The following TGFBR3 variants were observed in gnomAD, a reference collection of about 807,000 sequenced individuals.
TGFBR3 encodes transforming growth factor beta receptor 3, also known as transforming growth factor beta receptor type 3.
In TGFBR3, 46 loss-of-function variants were observed where a neutral mutation model predicts 87.9. The ratio of observed to expected loss-of-function variants is 0.52; its 90% CI spans 0.41 to 0.67. The LOEUF (loss-of-function observed/expected upper bound fraction) is 0.67. Ranked by LOEUF, TGFBR3 falls within the 30% of genes least tolerant of loss-of-function variation. TGFBR3 has a pLI of 0.00. For missense variants in TGFBR3, 866 were observed against 1,041.9 expected, an observed-to-expected ratio of 0.83 and a Z score of 2.32; for synonymous variants, 381 against 391.6, an observed-to-expected ratio of 0.97 and a Z score of 0.32.
intron 2 of TGFBR3, among the ~76,000 whole-genome samples, chr1:91,839,375 G>C (rs1309960854): frequency 2.0e-5 from 3 of 152,094 alleles, no homozygotes; most frequent in African/African-American, 4.8e-5. Flanking sequence ...TTGCAAGGTA[G>C]CATCTGAATT....
At chr1:91,787,424 C>G (rs751161932) in intron 3 of TGFBR3, among the ~76,000 whole-genome samples, 8 of 152,164 alleles carry the variant, frequency 5.3e-5, no homozygotes, top group African/African-American at 1.4e-4. Flanking sequence ...AGAGCTGAGA[C>G]TAGCCCTGTA....
chr1:91,839,380 T>C (rs1364999412), intron 2 of TGFBR3, among the ~76,000 whole-genome samples: 1 of 152,216 alleles, frequency 6.6e-6, no homozygotes, highest in East Asian at 1.9e-4. Flanking sequence ...AGGTAGCATC[T>C]GAATTACATA....
intron 2 of TGFBR3, chr1:91,801,098 A>G (rs888849067): frequency 4.6e-6 from 1 of 218,008 alleles, no homozygotes; most frequent in East Asian, 1.7e-4. Context: ...AAAAAAAAAA[A>G]AAGAGAGAGA....
chr1:91,768,893 A>G (rs956871068), intron 3 of TGFBR3, among the ~76,000 whole-genome samples: 1 of 152,028 alleles, frequency 6.6e-6, no homozygotes, highest in African/African-American at 2.4e-5. Context: ...GCATAATTTC[A>G]TCTCTTCCAA....
At chr1:91,885,185 T>A (rs971261962) in intron 1 of TGFBR3, among the ~76,000 whole-genome samples, 4 of 152,250 alleles carry the variant, frequency 2.6e-5, no homozygotes, top group Admixed American at 2.6e-4. Flanking sequence ...AGTTCTACTT[T>A]GCCAAGGTAA....
chr1:91,848,574 T>C (rs1017957), intron 2 of TGFBR3, among the ~76,000 whole-genome samples: 71,971 of 152,044 alleles, frequency 0.47, 17,228 homozygotes, highest in East Asian at 0.61. Flanking sequence ...AAAAAATCTG[T>C]TGTATCATGC....
At chr1:91,772,888 A>G (rs915328419) in intron 3 of TGFBR3, among the ~76,000 whole-genome samples, 2 of 152,254 alleles carry the variant, frequency 1.3e-5, no homozygotes, top group Non-Finnish European at 2.9e-5. Context: ...GAAAGTAAGT[A>G]AATTGTTGGC....
chr1:91,707,110 A>G (rs1671825171), intron 14 of TGFBR3, among the ~76,000 whole-genome samples: 1 of 152,256 alleles, frequency 6.6e-6, no homozygotes, highest in Non-Finnish European at 1.5e-5. Context: ...TTACAACTGA[A>G]AGGACCTTTT....
At position 91,821,503 on chromosome 1, in the gene TGFBR3, T is replaced by C. The variant is rs376377163; in HGVS notation, c.62-24032A>G. Among the ~76,000 whole-genome samples the C allele has an allele frequency of 3.5e-4, 54 of 152,342 alleles. 2 individuals are homozygous for C. The South Asian group carries it at 0.011, about 30-fold the overall frequency. On this transcript the variant is annotated intron_variant, in intron 2 of 16. Coordinates refer to ENST00000212355, the MANE Select transcript of TGFBR3 (RefSeq NM_003243.5). ...TAAAAATAATTCTGACCAAAGCCAA[T>C]GCTAGTTGATTGGTTTCTGCTCTAC...
At chr1:91,741,627 C>A (rs1021487432) in intron 4 of TGFBR3, among the ~76,000 whole-genome samples, 1 of 152,146 alleles carries the variant, frequency 6.6e-6, no homozygotes, top group Non-Finnish European at 1.5e-5. Flanking sequence ...AGAGGCTATC[C>A]AGGAGCCCCA....
intron 16 of TGFBR3, among the ~76,000 whole-genome samples, chr1:91,685,563 C>T (rs895535415): frequency 3.3e-5 from 5 of 152,038 alleles, no homozygotes; most frequent in East Asian, 1.9e-4. Context: ...ACCTCGTGAT[C>T]GGCCCACCTT....
intron 1 of TGFBR3, among the ~76,000 whole-genome samples, chr1:91,868,179 A>G (rs1678452398): frequency 6.6e-6 from 1 of 152,230 alleles, no homozygotes; most frequent in African/African-American, 2.4e-5. Flanking sequence ...CAGCCTCACA[A>G]TGTGCTGGGA....
chr1:91,784,293 A>G (rs1674879317), intron 3 of TGFBR3, among the ~76,000 whole-genome samples: 1 of 152,230 alleles, frequency 6.6e-6, no homozygotes, highest in African/African-American at 2.4e-5. Context: ...AATAGAATGC[A>G]AAGCAAATAA....
At chr1:91,751,996 A>G (rs1326636880) in intron 4 of TGFBR3, among the ~76,000 whole-genome samples, 2 of 152,170 alleles carry the variant, frequency 1.3e-5, no homozygotes, top group African/African-American at 4.8e-5. Context: ...CGATCCCCTC[A>G]TTTTAGAAAT....
At chr1:91,862,320 A>T (rs2634019) in intron 1 of TGFBR3, among the ~76,000 whole-genome samples, 19,779 of 152,186 alleles carry the variant, frequency 0.13, 1,649 homozygotes, top group East Asian at 0.4. Flanking sequence ...CAAAACCAGC[A>T]CTGATTAGAG....
At chr1:91,721,679 G>C (rs771672702) in intron 8 of TGFBR3, among the ~76,000 whole-genome samples, 3 of 152,038 alleles carry the variant, frequency 2.0e-5, no homozygotes, top group Non-Finnish European at 4.4e-5. Context: ...GTGGTCATTA[G>C]GTGTCTCGGA....
chr1:91,734,731 T>C, intron 5 of TGFBR3, 45 bp downstream of exon 5: 7 of 1,604,204 alleles, frequency 4.4e-6, no homozygotes, highest in Non-Finnish European at 6.0e-6. Context: ...AGAAAACAAT[T>C]GCCTGTCATA....
At chr1:91,779,967 T>C (rs1674703396) in intron 3 of TGFBR3, among the ~76,000 whole-genome samples, 1 of 152,144 alleles carries the variant, frequency 6.6e-6, no homozygotes, top group South Asian at 2.1e-4. Context: ...CTGGCATTCT[T>C]TGGCTTGTGG....
chr1:91,748,722 G>GTATTAT (rs56351917), intron 4 of TGFBR3, among the ~76,000 whole-genome samples: 7,151 of 148,524 alleles, frequency 0.048, 215 homozygotes, highest in Middle Eastern at 0.099. Context: ...ATTCTGGAAA[G>GTATTAT]TATTATTATT....
Sources: allele counts gnomAD v4.1 joint callset (sites outside exome capture counted in the v4.1 genomes callset), GRCh38; gene constraint gnomAD v4.1.1; transcripts MANE v1.5; gene names NCBI Gene and HGNC (gene_info 2026-07-23, HGNC 2026-07-21).